The following AQP7B variants were observed in gnomAD, a reference collection of about 807,000 sequenced individuals.
AQP7B encodes putative aquaporin-7B.
chr2:94,592,330 C>T, the AQP7B span, among the ~76,000 whole-genome samples: 1 of 152,176 alleles, frequency 6.6e-6, no homozygotes, highest in Non-Finnish European at 1.5e-5. Context: ...TGGAACAAAA[C>T]ATCTTCCACT....
At chr2:94,599,630 C>T in the AQP7B span, among the ~76,000 whole-genome samples, 3 of 152,266 alleles carry the variant, frequency 2.0e-5, no homozygotes, top group South Asian at 6.2e-4. Context: ...TCCACTTCTG[C>T]ACCAATCCAG....
chr2:94,589,505 C>A, the AQP7B span, among the ~76,000 whole-genome samples: 4 of 152,266 alleles, frequency 2.6e-5, no homozygotes. Flanking sequence ...CCTGCACTCC[C>A]AATTCCCCTC....
chr2:94,590,944 C>CAAA, the AQP7B span, among the ~76,000 whole-genome samples: 89 of 49,004 alleles, frequency 1.8e-3, 1 homozygote, highest in African/African-American at 4.6e-3. Flanking sequence ...GACCCTGTCT[C>CAAA]AAAAAAAAAA....
chr2:94,597,445 G>A, the AQP7B span, among the ~76,000 whole-genome samples: 1 of 152,072 alleles, frequency 6.6e-6, no homozygotes, highest in East Asian at 1.9e-4. Context: ...AGCCCCTTAT[G>A]TGCAGCATCT....
chr2:94,601,605 G>C, the AQP7B span, among the ~76,000 whole-genome samples: 1 of 152,164 alleles, frequency 6.6e-6, no homozygotes, highest in South Asian at 2.1e-4. Context: ...GAGGGAAGGG[G>C]TGAAGCAGCT....
the AQP7B span, among the ~76,000 whole-genome samples, chr2:94,590,789 G>C: frequency 6.6e-6 from 1 of 151,006 alleles, no homozygotes; most frequent in Non-Finnish European, 1.5e-5. Context: ...CAAAAAATAA[G>C]AAAAAATAGC....
At chr2:94,603,663 G>A in the AQP7B span, 1 of 1,330,728 alleles carries the variant, frequency 7.5e-7, no homozygotes, top group Non-Finnish European at 1.0e-6. Context: ...CCGATGTCCT[G>A]TGGCTTGGGG....
the AQP7B span, among the ~76,000 whole-genome samples, chr2:94,593,765 C>T: frequency 6.3e-3 from 960 of 152,096 alleles, 12 homozygotes; most frequent in African/African-American, 0.022. Context: ...GGATTATAGG[C>T]GTGAGCTACC....
At chr2:94,603,955 C>A in the AQP7B span, 2 of 1,166,440 alleles carry the variant, frequency 1.7e-6, no homozygotes, top group Admixed American at 2.0e-5. Flanking sequence ...AGGCCCATTC[C>A]TTTGAGTTTT....
the AQP7B span, chr2:94,603,433 G>T: frequency 1.9e-6 from 3 of 1,610,660 alleles, no homozygotes; most frequent in Non-Finnish European, 2.5e-6. Context: ...CGGTCCCTTT[G>T]CTACAGCTGG....
At chr2:94,604,596 T>C in the AQP7B span, 1 of 1,537,472 alleles carries the variant, frequency 6.5e-7, no homozygotes, top group Non-Finnish European at 8.8e-7. Flanking sequence ...TGTGATCCCA[T>C]CCCTTCCCCA....
chr2:94,594,814 G>T, the AQP7B span: 3 of 1,566,352 alleles, frequency 1.9e-6, no homozygotes, highest in African/African-American at 2.7e-5. Flanking sequence ...GTGCGAGGAA[G>T]ATGAGAGGAA....
chr2:94,597,417 C>T, the AQP7B span, among the ~76,000 whole-genome samples: 2 of 152,246 alleles, frequency 1.3e-5, no homozygotes, highest in East Asian at 3.9e-4. Flanking sequence ...CTAATGCATC[C>T]CGGGCTCTGT....
chr2:94,600,085 G>A, the AQP7B span, among the ~76,000 whole-genome samples: 1 of 151,794 alleles, frequency 6.6e-6, no homozygotes, highest in Non-Finnish European at 1.5e-5. Flanking sequence ...TGTCATGCTG[G>A]TCTTGAACTC....
At chr2:94,587,781 G>C in the AQP7B span, among the ~76,000 whole-genome samples, 1 of 152,128 alleles carries the variant, frequency 6.6e-6, no homozygotes, top group Admixed American at 6.5e-5. Context: ...GCAGGCAGGA[G>C]ACGGGTCAGC....
chr2:94,597,524 T>C, the AQP7B span, among the ~76,000 whole-genome samples: 3 of 152,124 alleles, frequency 2.0e-5, no homozygotes, highest in African/African-American at 7.2e-5. Context: ...ATGGGAAAAC[T>C]GAGGCTCCTT....
the AQP7B span, among the ~76,000 whole-genome samples, chr2:94,589,892 C>G: frequency 1.3e-5 from 2 of 152,162 alleles, no homozygotes; most frequent in African/African-American, 2.4e-5. Flanking sequence ...CCCCATGCCT[C>G]ACATCCAGTC....
chr2:94,597,501 C>G, the AQP7B span, among the ~76,000 whole-genome samples: 1 of 152,144 alleles, frequency 6.6e-6, no homozygotes, highest in African/African-American at 2.4e-5. Context: ...CTATTATTAT[C>G]CAAGTTTCAC....
the AQP7B span, among the ~76,000 whole-genome samples, chr2:94,591,471 C>T: frequency 9.2e-5 from 14 of 152,318 alleles, no homozygotes; most frequent in Non-Finnish European, 1.5e-4. Context: ...GCCACCACTT[C>T]TCCACCCATC....
Sources: allele counts gnomAD v4.1 joint callset (sites outside exome capture counted in the v4.1 genomes callset), GRCh38; gene constraint gnomAD v4.1.1; transcripts MANE v1.5; gene names NCBI Gene and HGNC (gene_info 2026-07-23, HGNC 2026-07-21).